Variants in FNBP1 observed in about 807,000 individuals in gnomAD.
FNBP1 encodes formin-binding protein 1.
In FNBP1, 26 loss-of-function variants were observed where a neutral mutation model predicts 90.6. The observed-to-expected ratio is 0.29, with a 90% confidence interval of 0.21 to 0.40. The LOEUF (loss-of-function observed/expected upper bound fraction) is 0.40. FNBP1 is among the 10% of genes least tolerant of loss of function. The probability of loss-of-function intolerance (pLI) is 1.00; values close to 1 mark genes in which losing one functional copy is unlikely to be tolerated. For missense variants in FNBP1, 635 were observed against 768.0 expected, an observed-to-expected ratio of 0.83 and a Z score of 2.05; for synonymous variants, 260 against 265.2, an observed-to-expected ratio of 0.98 and a Z score of 0.19.
At chr9:129,931,531 G>A (rs1416562255) in intron 6 of FNBP1, among the ~76,000 whole-genome samples, 9 of 151,954 alleles carry the variant, frequency 5.9e-5, no homozygotes, top group South Asian at 2.1e-4. Context: ...GCGTGAACCC[G>A]GGAGGCGGAG....
chr9:129,960,398 A>AAAAAAAAAAAAG (rs2047626348), intron 4 of FNBP1, among the ~76,000 whole-genome samples: 1 of 132,086 alleles, frequency 7.6e-6, no homozygotes, highest in Non-Finnish European at 1.7e-5. Flanking sequence ...AAAAAAAAAA[A>AAAAAAAAAAAAG]AAAAAGAAAA....
intron 4 of FNBP1, among the ~76,000 whole-genome samples, chr9:129,964,212 G>A (rs554144412): frequency 2.0e-5 from 3 of 152,344 alleles, no homozygotes; most frequent in African/African-American, 7.2e-5. Flanking sequence ...GAGCAAGTGT[G>A]TGTCTAAAAA....
Position 129,900,057 on chromosome 9 carries a change from A to G in FNBP1, c.1595T>C (p.Met532Thr), listed in dbSNP as rs1287770292. 6.2e-7 allele frequency: 1 copy of G among 1,613,492 alleles called. No homozygotes were observed. ...GTCAAAATCCGTGGCCAGCACCTTC[A>G]TCTCACTCTCCTGACTCTGCTCCTC... ...YTEEQSQESEMKVLATDFDDE... is the reference protein window; with the variant it reads ...YTEEQSQESETKVLATDFDDE... The change falls in exon 15 of 17, where the codon ATG becomes ACG. Residue 532 changes from methionine to threonine, a missense_variant. Physicochemically the swap from Met to Thr is moderately conservative, Grantham distance 81 (BLOSUM62 -1). Transcript: ENST00000446176. The surrounding 1 kb of genome is among the most constrained non-coding windows in gnomAD (Gnocchi z 4.1).
intron 2 of FNBP1, among the ~76,000 whole-genome samples, chr9:129,987,433 C>A (rs2131121213): frequency 6.6e-6 from 1 of 152,128 alleles, no homozygotes; most frequent in South Asian, 2.1e-4. Context: ...TTTTCCTAAT[C>A]TTTTATAGCA....
intron 15 of FNBP1, among the ~76,000 whole-genome samples, chr9:129,896,304 GTCT>G (rs2035731037): frequency 1.3e-5 from 2 of 152,018 alleles, no homozygotes; most frequent in African/African-American, 2.4e-5. Flanking sequence ...CTCTTCTCTA[GTCT>G]TCTTCTGTCT....
rs547664254 is a variant in FNBP1 at position 130,028,992 on chromosome 9, C to T, written c.24+13960G>A. ...CATCAAGCTCAATCCTACTGTTCTC[C>T]GTCTCATTCCCTTGTTTTTGTCCAT... On this transcript the variant is annotated intron_variant, in intron 1 of 16. Transcript: ENST00000446176. Among the ~76,000 whole-genome samples the T allele has an allele frequency of 1.5e-4, 23 of 152,266 alleles. 2 individuals carry two copies. The highest frequency in any genetic ancestry group is 1.2e-3 in the East Asian group (6 of 5,194).
At chr9:129,901,162 T>C (rs1471016295) in intron 13 of FNBP1, among the ~76,000 whole-genome samples, 2 of 152,142 alleles carry the variant, frequency 1.3e-5, no homozygotes, top group East Asian at 3.8e-4. Flanking sequence ...TCCCAGCACT[T>C]TGGGAGGCCG....
chr9:130,002,248 T>G (rs2054975309), intron 1 of FNBP1, among the ~76,000 whole-genome samples: 1 of 152,118 alleles, frequency 6.6e-6, no homozygotes, highest in South Asian at 2.1e-4. Context: ...ATTAAGAAAC[T>G]TAGGTAATAA....
chr9:129,994,730 C>T, intron 2 of FNBP1, 113 bp downstream of exon 2: 2 of 454,978 alleles, frequency 4.4e-6, no homozygotes, highest in Non-Finnish European at 3.9e-6. Context: ...GAAATATTAC[C>T]TTACATAAAA....
intron 6 of FNBP1, among the ~76,000 whole-genome samples, chr9:129,948,147 C>T (rs2045615606): frequency 6.6e-6 from 1 of 151,814 alleles, no homozygotes; most frequent in Non-Finnish European, 1.5e-5. Flanking sequence ...GTGGCATGCC[C>T]CTGTGGTCTC....
intron 11 of FNBP1, among the ~76,000 whole-genome samples, chr9:129,913,574 T>C (rs6478928): frequency 0.81 from 123,705 of 151,850 alleles, 50,604 homozygotes; most frequent in East Asian, 0.9. Context: ...AGCTCGAGAT[T>C]AGCCTGGCCA....
intron 4 of FNBP1, among the ~76,000 whole-genome samples, chr9:129,968,395 CAAAA>C (rs775896038): frequency 1.4e-5 from 1 of 69,130 alleles, no homozygotes; most frequent in Non-Finnish European, 3.1e-5. Context: ...AACTCCGTCT[CAAAA>C]AAAAAAAAAA....
chr9:129,927,232 C>A lies in FNBP1; in HGVS notation c.752G>T (p.Gly251Val). 1 of 1,613,922 alleles carries A rather than the reference C, an allele frequency of 6.2e-7. No homozygotes were observed. The highest frequency in any genetic ancestry group is 8.5e-7 in the Non-Finnish European group (1 of 1,179,848). ...VIPIIGKCLD[G>V]IVKAAESIDQ... The stretch of plus-strand genomic sequence containing the variant: ...AATTGATTCGGCTGCTTTTACTATT[C>A]CATCCAGGCACTTCCCAATGATTGG... The change falls in exon 8 of 17, where the codon GGA (glycine) becomes GTA (valine). Residue 251 changes from glycine to valine, a missense_variant. Transcript: ENST00000446176.
chr9:130,008,585 C>A (rs535207867), intron 1 of FNBP1, among the ~76,000 whole-genome samples: 5 of 152,138 alleles, frequency 3.3e-5, no homozygotes, highest in Non-Finnish European at 7.4e-5. Context: ...TTAAAAAATG[C>A]TCCATTTTAT....
intron 8 of FNBP1, among the ~76,000 whole-genome samples, chr9:129,925,857 G>T (rs1157688644): frequency 6.6e-6 from 1 of 151,928 alleles, no homozygotes; most frequent in Non-Finnish European, 1.5e-5. Flanking sequence ...GCTTCCCAAA[G>T]TGCTGGCATT....
chr9:129,963,485 C>T (rs978115567), intron 4 of FNBP1, among the ~76,000 whole-genome samples: 19 of 152,114 alleles, frequency 1.2e-4, no homozygotes, highest in Non-Finnish European at 2.2e-4. Flanking sequence ...GGTAAGTTAT[C>T]TCTCATGAAG....
At chr9:129,986,018 C>T (rs1009260312) in intron 2 of FNBP1, among the ~76,000 whole-genome samples, 58 of 146,822 alleles carry the variant, frequency 4.0e-4, no homozygotes, top group African/African-American at 1.5e-3. Flanking sequence ...TGCCTGTAAT[C>T]CCAGCTACTT....
intron 10 of FNBP1, among the ~76,000 whole-genome samples, chr9:129,916,504 C>T (rs1005030868): frequency 3.3e-5 from 5 of 151,762 alleles, no homozygotes; most frequent in Non-Finnish European, 7.4e-5. Flanking sequence ...GTAATCCCAG[C>T]TATTCAGGAG....
intron 1 of FNBP1, among the ~76,000 whole-genome samples, chr9:129,998,151 G>T (rs2054284824): frequency 7.6e-6 from 1 of 130,998 alleles, no homozygotes; most frequent in African/African-American, 2.9e-5. Flanking sequence ...AGCCGAGATT[G>T]TACCACTGCA....
Sources: gnomAD v4.1 joint callset for allele counts (sites outside exome capture counted in the v4.1 genomes callset) on GRCh38, gnomAD v4.1.1 for gene constraint, Gnocchi (gnomAD v3.1) non-coding constraint, MANE v1.5 for transcripts, NCBI Gene and HGNC (gene_info 2026-07-23, HGNC 2026-07-21) for gene names.